Variants in HMBOX1 observed in about 807,000 individuals in gnomAD.
The protein encoded by HMBOX1 is homeobox containing 1.
In HMBOX1, 14 loss-of-function variants were observed where a neutral mutation model predicts 54.5. That is an observed-to-expected ratio of 0.26 (90% CI 0.17 to 0.40). The LOEUF is 0.40. Among genes scored for constraint, HMBOX1 ranks in the 10% least tolerant of loss-of-function variants. The pLI, the probability that HMBOX1 is intolerant of heterozygous loss-of-function variation, is 1.00. For synonymous variants in HMBOX1, 160 were observed against 181.0 expected, an observed-to-expected ratio of 0.88 and a Z score of 0.93; for missense variants, 332 against 514.4, an observed-to-expected ratio of 0.65 and a Z score of 3.43.
chr8:28,949,532 T>C (rs539558686), intron 1 of HMBOX1: 3 of 152,374 alleles, frequency 2.0e-5, no homozygotes, highest in Admixed American at 2.0e-4. Flanking sequence ...GTTCCAATTA[T>C]GTTATTTTTA....
chr8:29,039,704 T>C lies in HMBOX1; in HGVS notation c.852-5657T>C, dbSNP rs184980372. On this transcript the variant is annotated intron_variant, in intron 6 of 9. Coordinates refer to ENST00000287701, the MANE Select transcript of HMBOX1 (RefSeq NM_001135726.3). The stretch of plus-strand genomic sequence containing the variant: ...ATCTTCCTCTTGATGCTTCCTTTTT[T>C]CTGAGCAACTACTATGTCCTCCTTG... 2.6e-5 allele frequency among the ~76,000 whole-genome samples: 4 copies of C among 152,292 alleles called. No individual in the cohort carries two copies. In the East Asian group the frequency reaches 7.7e-4, roughly 29 times the overall value.
Position 29,044,793 on chromosome 8 carries a change from ACT to A in HMBOX1, c.852-565_852-564del, listed in dbSNP as rs369558312. 3.2e-3 allele frequency among the ~76,000 whole-genome samples: 488 copies of A among 152,262 alleles called. 7 individuals are homozygous for A. The highest frequency in any genetic ancestry group is 0.011 in the African/African-American group (455 of 41,534). Reference sequence around the variant, plus strand: ...ACATCCCTCTGGGTCAGTGGACAGAACTCTAACTTATTTTTTCCTACTAGTTT... The same window carrying A: ...ACATCCCTCTGGGTCAGTGGACAGAACTAACTTATTTTTTCCTACTAGTTT... On this transcript the variant is annotated intron_variant, in intron 6 of 9. Transcript: ENST00000287701.
At chr8:29,029,802 A>AT (rs1197685304) in intron 6 of HMBOX1, among the ~76,000 whole-genome samples, 1 of 152,240 alleles carries the variant, frequency 6.6e-6, no homozygotes, top group Non-Finnish European at 1.5e-5. Flanking sequence ...GTAAACATTT[A>AT]TTGACGGTTG....
rs186313201 is a variant in HMBOX1 at position 28,981,963 on chromosome 8, C to T, written c.586+1807C>T. Reference sequence around the variant, plus strand: ...GTAAAAATACTGAATACTGGCCGGGCGTGGTGGCTCACACCTGTAATCCCA... The same window carrying T: ...GTAAAAATACTGAATACTGGCCGGGTGTGGTGGCTCACACCTGTAATCCCA... On this transcript the variant is annotated intron_variant, in intron 4 of 9. Coordinates refer to ENST00000287701, the MANE Select transcript of HMBOX1 (RefSeq NM_001135726.3). 4.9e-3 allele frequency among the ~76,000 whole-genome samples: 746 copies of T among 152,136 alleles called. 23 individuals carry two copies. Among genetic ancestry groups the T allele is most frequent in the Admixed American group, 0.045 (681 of 15,286 alleles).
chr8:28,969,944 G>A, intron 2 of HMBOX1, 99 bp from the exon 3 acceptor site: 2 of 757,424 alleles, frequency 2.6e-6, no homozygotes, highest in South Asian at 3.5e-5. Context: ...CAATACAGAA[G>A]CTTATGTAGA....
intron 1 of HMBOX1, among the ~76,000 whole-genome samples, chr8:28,960,689 T>C (rs1825311452): frequency 6.6e-6 from 1 of 151,200 alleles, no homozygotes; most frequent in African/African-American, 2.4e-5. Context: ...GGTCTTTGTG[T>C]TTGTAACTCT....
At chr8:28,917,165 A>G (rs923827419) in intron 1 of HMBOX1, among the ~76,000 whole-genome samples, 3 of 152,110 alleles carry the variant, frequency 2.0e-5, no homozygotes, top group Non-Finnish European at 4.4e-5. Flanking sequence ...CAATTTGGGC[A>G]GAATTTACAT....
intron 1 of HMBOX1, among the ~76,000 whole-genome samples, chr8:28,937,625 T>A (rs891885437): frequency 1.9e-4 from 29 of 152,158 alleles, no homozygotes; most frequent in Non-Finnish European, 1.9e-4. Context: ...TCCGTAATAT[T>A]TTGCACAAAG....
chr8:28,938,411 T>G (rs532873540), intron 1 of HMBOX1, among the ~76,000 whole-genome samples: 140 of 152,312 alleles, frequency 9.2e-4, no homozygotes, highest in South Asian at 7.7e-3. Flanking sequence ...CACACTCATA[T>G]GAAGCAGCAA....
At chr8:29,032,048 G>A (rs1424986854) in intron 6 of HMBOX1, among the ~76,000 whole-genome samples, 1 of 152,186 alleles carries the variant, frequency 6.6e-6, no homozygotes, top group African/African-American at 2.4e-5. Context: ...TGGGAAATGA[G>A]GCTGAGTGAG....
intron 4 of HMBOX1, 54 bp downstream of exon 4, chr8:28,980,210 G>C (rs1349972421): frequency 1.6e-6 from 2 of 1,286,432 alleles, no homozygotes; most frequent in African/African-American, 2.9e-5. Flanking sequence ...CTGCCTTCTG[G>C]TGCAGATGTT....
At chr8:29,031,743 CTG>C (rs1360187494) in intron 6 of HMBOX1, among the ~76,000 whole-genome samples, 2 of 152,210 alleles carry the variant, frequency 1.3e-5, no homozygotes, top group Non-Finnish European at 2.9e-5. Context: ...CTCCTCAACA[CTG>C]TGCCCCGTGC....
intron 1 of HMBOX1, among the ~76,000 whole-genome samples, chr8:28,959,076 C>T (rs1825002940): frequency 6.6e-6 from 1 of 152,218 alleles, no homozygotes; most frequent in Admixed American, 6.5e-5. Flanking sequence ...TTTCATTTTC[C>T]TTCTTCACAG....
At chr8:29,047,564 C>CTT (rs33978272) in intron 8 of HMBOX1, 111 bp downstream of exon 8, 5,880 of 305,274 alleles carry the variant, frequency 0.019, 1 homozygote, top group East Asian at 0.032. Context: ...CCTAACTTCT[C>CTT]TTTTTTTTTT....
At chr8:28,955,524 C>T (rs189462791) in intron 1 of HMBOX1, among the ~76,000 whole-genome samples, 54 of 152,300 alleles carry the variant, frequency 3.5e-4, no homozygotes, top group Admixed American at 5.2e-4. Context: ...TTTTACTCAA[C>T]ACTGCATTAA....
At chr8:29,020,956 C>G (rs981332166) in intron 6 of HMBOX1, among the ~76,000 whole-genome samples, 5 of 152,182 alleles carry the variant, frequency 3.3e-5, no homozygotes, top group Admixed American at 3.3e-4. Flanking sequence ...AGAAGGATCA[C>G]TTGAGGCCAA....
chr8:28,957,095 CCAAAAAGACACATGCACCCATGTGTT>C (rs1398546751), intron 1 of HMBOX1, among the ~76,000 whole-genome samples: 1 of 152,098 alleles, frequency 6.6e-6, no homozygotes, highest in African/African-American at 2.4e-5. Flanking sequence ...TATTGTTCTA[CCAAAAAGACACATGCACCCATGTGTT>C]CATTGCAGCA....
chr8:28,967,926 A>G (rs1290776359), intron 2 of HMBOX1, among the ~76,000 whole-genome samples: 1 of 152,252 alleles, frequency 6.6e-6, no homozygotes, highest in Non-Finnish European at 1.5e-5. Context: ...TTAGGTCCAC[A>G]GAATGTGTGT....
chr8:28,965,506 G>A (rs1029993341), intron 2 of HMBOX1, among the ~76,000 whole-genome samples: 1 of 152,208 alleles, frequency 6.6e-6, no homozygotes, highest in African/African-American at 2.4e-5. Context: ...CTATTAAAGT[G>A]TCTTTGCTCA....
Sources: gnomAD v4.1 joint callset for allele counts (sites outside exome capture counted in the v4.1 genomes callset) on GRCh38, gnomAD v4.1.1 for gene constraint, MANE v1.5 for transcripts, NCBI Gene and HGNC (gene_info 2026-07-23, HGNC 2026-07-21) for gene names.